The following B4GALT1 variants were observed in gnomAD, a reference collection of about 807,000 sequenced individuals.
The protein encoded by B4GALT1 is N-acetyllactosamine synthase.
In B4GALT1, 16 loss-of-function variants were observed where a neutral mutation model predicts 34.9. That is an observed-to-expected ratio of 0.46 (90% CI 0.31 to 0.70). The LOEUF (loss-of-function observed/expected upper bound fraction) is 0.70. B4GALT1 is among the 30% of genes least tolerant of loss of function. The pLI is 0.05. For missense variants in B4GALT1, 445 were observed against 530.5 expected (o/e 0.84, Z 1.58); for synonymous variants, 221 against 218.1 (o/e 1.01, Z -0.12).
rs139547063 is a variant in B4GALT1 at position 33,165,285 on chromosome 9, T to C, written c.412+1473A>G. 9.2e-3 allele frequency among the ~76,000 whole-genome samples: 1,377 copies of C among 150,454 alleles called. 27 individuals are homozygous for C. The highest frequency in any genetic ancestry group is 0.039 in the Admixed American group (585 of 15,110). On this transcript the variant is annotated intron_variant, in intron 1 of 5. Transcript: ENST00000379731. ...GCCCAGCCTGAGTGCCTGTATTTAA[T>C]GTACACGATCTCATTTAGTCTTAAA...
intron 1 of B4GALT1, among the ~76,000 whole-genome samples, chr9:33,152,366 TAACAA>T (rs1187189196): frequency 0.027 from 3,448 of 129,038 alleles, 86 homozygotes; most frequent in Middle Eastern, 0.038. Flanking sequence ...TAACATAACA[TAACAA>T]CTTCTACATA....
In B4GALT1 at chr9:33,134,083, C is replaced by T. The variant is rs1054568088; in HGVS notation, c.648+1106G>A. Among the ~76,000 whole-genome samples, 6 of 152,300 alleles carry T rather than the reference C, an allele frequency of 3.9e-5. No homozygotes were observed. The East Asian group carries it at 1.2e-3, about 29-fold the overall frequency. Reference sequence around the variant, plus strand: ...TGTTCCCTGGGAAGGTCCCACTTGCCAGAAGTGGGTTGGAGGCTTCGGGAC... The same window carrying T: ...TGTTCCCTGGGAAGGTCCCACTTGCTAGAAGTGGGTTGGAGGCTTCGGGAC... On this transcript the variant is annotated intron_variant, in intron 2 of 5. Coordinates refer to ENST00000379731, the MANE Select transcript of B4GALT1 (RefSeq NM_001497.4).
At chr9:33,146,487 C>T (rs1840427442) in intron 1 of B4GALT1, among the ~76,000 whole-genome samples, 1 of 152,282 alleles carries the variant, frequency 6.6e-6, no homozygotes, top group Admixed American at 6.5e-5. Flanking sequence ...CTGGGCTCTC[C>T]TCTCAATCTG....
chr9:33,149,198 T>C (rs200134382), intron 1 of B4GALT1, among the ~76,000 whole-genome samples: 1 of 119,550 alleles, frequency 8.4e-6, no homozygotes, highest in South Asian at 2.8e-4. Context: ...AGAAAAAAAA[T>C]TTAAAAAAAA....
intron 4 of B4GALT1, 25 bp downstream of exon 4, chr9:33,115,966 A>AAGAT (rs1451250872): frequency 6.2e-7 from 1 of 1,604,438 alleles, no homozygotes; most frequent in East Asian, 2.3e-5. Flanking sequence ...ACAGAGGAGA[A>AAGAT]AGATATCTAA....
chr9:33,180,617 C>T, the B4GALT1 span, among the ~76,000 whole-genome samples: 1 of 152,158 alleles, frequency 6.6e-6, no homozygotes, highest in Admixed American at 6.5e-5. Context: ...GCTACAGGAC[C>T]GTTCATGCTG....
intron 1 of B4GALT1, among the ~76,000 whole-genome samples, chr9:33,144,475 C>T (rs895120688): frequency 2.0e-5 from 3 of 150,100 alleles, no homozygotes; most frequent in South Asian, 2.1e-4. Flanking sequence ...CCTGACCTCA[C>T]GATCCACCCA....
At chr9:33,159,424 G>A (rs975755648) in intron 1 of B4GALT1, among the ~76,000 whole-genome samples, 1 of 152,016 alleles carries the variant, frequency 6.6e-6, no homozygotes, top group Non-Finnish European at 1.5e-5. Flanking sequence ...GTGCAACCTC[G>A]CCCTAGCACT....
chr9:33,176,512 A>G, the B4GALT1 span, among the ~76,000 whole-genome samples: 1 of 152,178 alleles, frequency 6.6e-6, no homozygotes, highest in Admixed American at 6.5e-5. Flanking sequence ...AGATCTCAAC[A>G]GTCTTACAAC....
the B4GALT1 span, among the ~76,000 whole-genome samples, chr9:33,181,370 G>A: frequency 1.0e-4 from 15 of 150,564 alleles, no homozygotes; most frequent in African/African-American, 3.4e-4. Flanking sequence ...GTGGCAGTGA[G>A]ATGTGATTGC....
chr9:33,135,487 G>C, intron 1 of B4GALT1, 63 bp from the exon 2 acceptor site: 1 of 1,484,984 alleles, frequency 6.7e-7, no homozygotes, highest in Non-Finnish European at 9.3e-7. Context: ...TCCACAGGCT[G>C]CATCAGATGG....
intron 1 of B4GALT1, among the ~76,000 whole-genome samples, chr9:33,142,534 G>A (rs1312072102): frequency 6.6e-6 from 1 of 152,080 alleles, no homozygotes; most frequent in Non-Finnish European, 1.5e-5. Flanking sequence ...ACAAACACAA[G>A]TTCAACACCC....
chr9:33,168,115 G>T (rs894199488), upstream of B4GALT1, among the ~76,000 whole-genome samples: 2 of 152,170 alleles, frequency 1.3e-5, no homozygotes, highest in Non-Finnish European at 2.9e-5. Context: ...GTCTACACTG[G>T]GCTACCCACT....
At chr9:33,118,792 G>C (rs558205028) in intron 3 of B4GALT1, among the ~76,000 whole-genome samples, 11 of 152,098 alleles carry the variant, frequency 7.2e-5, no homozygotes, top group Non-Finnish European at 1.6e-4. Context: ...GGTACCTGCA[G>C]CACAGCTCCT....
At chr9:33,106,729 G>A (rs1201857320), downstream of B4GALT1, among the ~76,000 whole-genome samples, 3 of 152,166 alleles carry the variant, frequency 2.0e-5, no homozygotes, top group African/African-American at 4.8e-5. Flanking sequence ...TACAAATGAT[G>A]ACCCAGAAAT....
intron 2 of B4GALT1, among the ~76,000 whole-genome samples, chr9:33,129,876 G>A (rs1360472491): frequency 6.6e-6 from 1 of 152,172 alleles, no homozygotes; most frequent in Non-Finnish European, 1.5e-5. Context: ...TGGAGATGGG[G>A]AGTCCAGTGA....
At chr9:33,170,030 C>T (rs1157505062), upstream of B4GALT1, among the ~76,000 whole-genome samples, 4 of 135,844 alleles carry the variant, frequency 2.9e-5, no homozygotes, top group South Asian at 2.4e-4. Flanking sequence ...AGTGCAGTGG[C>T]GTGATCTTGG....
intron 1 of B4GALT1, among the ~76,000 whole-genome samples, chr9:33,157,101 CGGTGTCCAGCATAGGG>C (rs1840606039): frequency 6.1e-5 from 7 of 115,384 alleles, no homozygotes; most frequent in African/African-American, 2.4e-4. Context: ...CACACACACA[CGGTGTCCAGCATAGGG>C]AACTACACAC....
chr9:33,135,501 G>C, intron 1 of B4GALT1, 77 bp from the exon 2 acceptor site: 1 of 1,405,276 alleles, frequency 7.1e-7, no homozygotes, highest in South Asian at 1.2e-5. Context: ...CAGATGGCCA[G>C]GCTGCAGCTG....
Sources: allele counts gnomAD v4.1 joint callset (sites outside exome capture counted in the v4.1 genomes callset), GRCh38; gene constraint gnomAD v4.1.1; transcripts MANE v1.5; gene names NCBI Gene and HGNC (gene_info 2026-07-23, HGNC 2026-07-21).